Variants in NXPE4 observed in about 807,000 individuals in gnomAD.
The protein encoded by NXPE4 is neurexophilin and PC-esterase domain family member 4.
A neutral mutation model predicts 33.3 loss-of-function variants in NXPE4; 42 were observed. That is an observed-to-expected ratio of 1.26 (90% CI 0.98 to 1.63). The LOEUF is 1.63. Ranked by LOEUF, NXPE4 falls within the 40% of genes most tolerant of loss-of-function variation. The probability of loss-of-function intolerance (pLI) is 0.00; values close to 1 mark genes in which losing one functional copy is unlikely to be tolerated. For synonymous variants in NXPE4, 253 were observed against 234.9 expected (o/e 1.08, Z -0.71); for missense variants, 709 against 647.6 (o/e 1.09, Z -1.03).
chr11:114,573,801 A>G (rs1948941572), intron 5 of NXPE4, among the ~76,000 whole-genome samples: 1 of 152,140 alleles, frequency 6.6e-6, no homozygotes, highest in Admixed American at 6.6e-5. Flanking sequence ...TAGACTGGTC[A>G]TCAAGACAGA....
intron 2 of NXPE4, 52 bp from the exon 3 acceptor site, chr11:114,583,073 A>G: frequency 6.5e-7 from 1 of 1,537,842 alleles, no homozygotes. Flanking sequence ...AGCATATCTG[A>G]ACTGAAATGA....
chr11:114,631,802 GATA>G, the NXPE4 span, among the ~76,000 whole-genome samples: 4 of 151,654 alleles, frequency 2.6e-5, no homozygotes, highest in East Asian at 5.8e-4. Flanking sequence ...TTACCCAGTG[GATA>G]ATAAGTATTG....
At position 114,571,437 on chromosome 11, in the gene NXPE4, A is replaced by C. The variant is rs754208007; in HGVS notation, c.1136T>G (p.Leu379Trp). 6.2e-7 allele frequency: 1 copy of C among 1,610,402 alleles called. No individual in the cohort carries two copies. The highest frequency in any genetic ancestry group is 8.5e-7 in the Non-Finnish European group (1 of 1,177,026). ...KSVDLHESGK[L>W]QHQLAVDLDR... Reference sequence around the variant, plus strand: ...CAAATCCACAGCAAGCTGGTGTTGCAATTTTCCAGATTCATGCAGATCCAC... The same window carrying C: ...CAAATCCACAGCAAGCTGGTGTTGCCATTTTCCAGATTCATGCAGATCCAC... Residue 379 changes from leucine to tryptophan, a missense_variant, in exon 6 of 6, where the codon TTG (leucine) becomes TGG (tryptophan). Leu to Trp is a moderately conservative substitution (Grantham distance 61, BLOSUM62 -2). Coordinates refer to ENST00000375478, the MANE Select transcript of NXPE4 (RefSeq NM_001077639.2).
chr11:114,605,494 A>T, the NXPE4 span, among the ~76,000 whole-genome samples: 2 of 151,826 alleles, frequency 1.3e-5, no homozygotes, highest in Non-Finnish European at 2.9e-5. Context: ...CCGGTGGATA[A>T]TAAGTGTTGC....
chr11:114,627,378 GA>G, the NXPE4 span, among the ~76,000 whole-genome samples: 1 of 151,908 alleles, frequency 6.6e-6, no homozygotes, highest in Non-Finnish European at 1.5e-5. Context: ...CATTCTTAAA[GA>G]GAAGAATTTT....
chr11:114,606,308 A>G, the NXPE4 span, among the ~76,000 whole-genome samples: 3 of 151,520 alleles, frequency 2.0e-5, no homozygotes, highest in Non-Finnish European at 1.5e-5. Context: ...CTCATGGGGA[A>G]CCAGTGTTAC....
chr11:114,614,930 T>C, the NXPE4 span, among the ~76,000 whole-genome samples: 1 of 151,778 alleles, frequency 6.6e-6, no homozygotes, highest in African/African-American at 2.4e-5. Context: ...ATAATGAGTA[T>C]TGCCTCTTGG....
At chr11:114,663,599 A>G in the NXPE4 span, among the ~76,000 whole-genome samples, 1 of 96,420 alleles carries the variant, frequency 1.0e-5, no homozygotes, top group Non-Finnish European at 2.2e-5. Context: ...CTATCTATCT[A>G]TCTATCTATC....
chr11:114,620,888 C>T, the NXPE4 span, among the ~76,000 whole-genome samples: 20 of 151,102 alleles, frequency 1.3e-4, no homozygotes, highest in South Asian at 2.5e-3. Context: ...TATTGCCTCA[C>T]GGGTAACCAC....
At chr11:114,620,184 C>T in the NXPE4 span, among the ~76,000 whole-genome samples, 1 of 149,770 alleles carries the variant, frequency 6.7e-6, no homozygotes, top group African/African-American at 2.5e-5. Flanking sequence ...GGGTAACCAC[C>T]ATTACCCGCT....
the NXPE4 span, among the ~76,000 whole-genome samples, chr11:114,674,642 G>A: frequency 6.6e-6 from 1 of 151,486 alleles, no homozygotes; most frequent in Non-Finnish European, 1.5e-5. Context: ...TAACTACAAA[G>A]CAGTTAGAAA....
chr11:114,582,907 T>C lies in NXPE4; in HGVS notation c.211A>G (p.Arg71Gly). 6.2e-7 allele frequency: 1 copy of C among 1,614,188 alleles called. No individual in the cohort carries two copies. Among genetic ancestry groups the C allele is most frequent in the South Asian group, 1.1e-5 (1 of 91,084 alleles). The change falls in exon 3 of 6, where the codon AGA (arginine) becomes GGA (glycine). Residue 71 changes from arginine to glycine, a missense_variant. Physicochemically the swap from Arg to Gly is moderately radical, Grantham distance 125. Transcript: ENST00000375478. ...SLKPLTETELRIKEIIEKLDQ... is the reference protein window; with the variant it reads ...SLKPLTETELGIKEIIEKLDQ... ...AGTTTCTCTATGATTTCCTTTATTC[T>C]GAGTTCAGTCTCTGTTAGTGGCTTT...
At chr11:114,600,830 G>A in the NXPE4 span, among the ~76,000 whole-genome samples, 1 of 152,032 alleles carries the variant, frequency 6.6e-6, no homozygotes, top group African/African-American at 2.4e-5. Context: ...AAGGATATAT[G>A]AGAATCCTCT....
chr11:114,601,861 A>G, the NXPE4 span, among the ~76,000 whole-genome samples: 1 of 12,262 alleles, frequency 8.2e-5, no homozygotes, highest in African/African-American at 5.2e-4. Context: ...TATATAATAT[A>G]CAATTATATA....
the NXPE4 span, among the ~76,000 whole-genome samples, chr11:114,623,242 G>C: frequency 6.6e-6 from 1 of 151,990 alleles, no homozygotes; most frequent in Non-Finnish European, 1.5e-5. Context: ...CATAACCACT[G>C]TTTCCCGGTG....
chr11:114,591,502 G>A (rs750376291), intron 2 of NXPE4, among the ~76,000 whole-genome samples: 8 of 152,150 alleles, frequency 5.3e-5, no homozygotes, highest in Non-Finnish European at 1.2e-4. Flanking sequence ...CAAGTCAGCA[G>A]CAAGAAAGCC....
In NXPE4 at chr11:114,570,852, C is replaced by G. The variant is rs1207921904; in HGVS notation, c.*86G>C. On this transcript the variant is annotated 3_prime_UTR_variant, in exon 6 of 6. Transcript: ENST00000375478. The stretch of plus-strand genomic sequence containing the variant: ...TCTCTGCTCTTGCTAGTTGGGAATT[C>G]AGAGCCAAACACAGCATCTGGCCTG... The G allele has an allele frequency of 3.2e-6, 3 of 925,330 alleles. No individual in the cohort carries two copies. The highest frequency in any genetic ancestry group is 1.7e-5 in the African/African-American group (1 of 59,712). 57.3% of individuals were successfully genotyped at this position (925,330 alleles called of 1,614,324 possible).
the NXPE4 span, among the ~76,000 whole-genome samples, chr11:114,666,337 A>C: frequency 5.3e-5 from 8 of 152,138 alleles, no homozygotes; most frequent in East Asian, 1.2e-3. Flanking sequence ...TTTAAAGTAA[A>C]GTAAAAGTCC....
At chr11:114,613,506 GATA>G in the NXPE4 span, among the ~76,000 whole-genome samples, 1 of 151,858 alleles carries the variant, frequency 6.6e-6, no homozygotes, top group Non-Finnish European at 1.5e-5. Context: ...TTACCCAGTG[GATA>G]ATAAGTATTG....
Sources: allele counts gnomAD v4.1 joint callset (sites outside exome capture counted in the v4.1 genomes callset), GRCh38; gene constraint gnomAD v4.1.1; transcripts MANE v1.5; gene names NCBI Gene and HGNC (gene_info 2026-07-23, HGNC 2026-07-21).